The following CALN1 variants were observed in gnomAD, a reference collection of about 807,000 sequenced individuals.
CALN1 encodes calneuron 1.
In CALN1, 17 loss-of-function variants were observed where a neutral mutation model predicts 30.6. The observed-to-expected ratio is 0.56, with a 90% CI of 0.38 to 0.83. The LOEUF is 0.83. CALN1 is among the 40% of genes least tolerant of loss of function. The pLI is 0.00. For synonymous variants in CALN1, 156 were observed against 131.4 expected, an observed-to-expected ratio of 1.19 and a Z score of -1.28; for missense variants, 291 against 354.9, an observed-to-expected ratio of 0.82 and a Z score of 1.45.
chr7:71,886,404 C>T lies in CALN1; in HGVS notation c.502-75912G>A, dbSNP rs17137585. ...CCACGCCCCCTTAGCATGTCACTCACGTCTTTCTGTTGAAAGGAATCAGGA... is the reference window on the plus strand; with the variant it reads ...CCACGCCCCCTTAGCATGTCACTCATGTCTTTCTGTTGAAAGGAATCAGGA... On this transcript the variant is annotated intron_variant, in intron 5 of 6. Transcript: ENST00000395275. Among the ~76,000 whole-genome samples the T allele has an allele frequency of 9.1e-3, 1,385 of 152,312 alleles. 27 individuals carry two copies. Among genetic ancestry groups the T allele is most frequent in the African/African-American group, 0.031 (1,304 of 41,574 alleles).
intron 3 of CALN1, among the ~76,000 whole-genome samples, chr7:72,271,028 G>T (rs1796937371): frequency 6.6e-6 from 1 of 152,192 alleles, no homozygotes; most frequent in Non-Finnish European, 1.5e-5. Flanking sequence ...ACTAAAGATT[G>T]TATGTAAGGA....
At chr7:72,337,211 G>A in intron 2 of CALN1, 2 of 985,184 alleles carry the variant, frequency 2.0e-6, no homozygotes, top group Non-Finnish European at 2.4e-6. Flanking sequence ...GATCCCCCAG[G>A]GCCTTGCCGC....
At chr7:72,142,043 G>A (rs146445389) in intron 3 of CALN1, among the ~76,000 whole-genome samples, 4 of 152,192 alleles carry the variant, frequency 2.6e-5, no homozygotes, top group Admixed American at 2.0e-4. Context: ...CTCCCAGCGT[G>A]AGCGACGCAG....
At chr7:71,828,321 A>T (rs1206394448) in intron 5 of CALN1, among the ~76,000 whole-genome samples, 2 of 152,148 alleles carry the variant, frequency 1.3e-5, no homozygotes, top group Non-Finnish European at 2.9e-5. Flanking sequence ...TGATAAGCCA[A>T]TTGGTGGCCC....
chr7:72,375,568 G>GAAAA (rs34885674), intron 2 of CALN1, among the ~76,000 whole-genome samples: 1 of 136,486 alleles, frequency 7.3e-6, no homozygotes, highest in African/African-American at 2.7e-5. Context: ...CTGCCTCCAG[G>GAAAA]AAAAAAAAAA....
intron 3 of CALN1, among the ~76,000 whole-genome samples, chr7:72,118,846 T>C (rs1172317520): frequency 1.3e-5 from 2 of 152,182 alleles, no homozygotes; most frequent in Non-Finnish European, 2.9e-5. Flanking sequence ...TCTGGAATGG[T>C]TCTAGACTCC....
chr7:72,338,273 G>A (rs566216369), intron 2 of CALN1, among the ~76,000 whole-genome samples: 15 of 152,170 alleles, frequency 9.9e-5, no homozygotes, highest in African/African-American at 3.4e-4. Flanking sequence ...CCTCTTGGTG[G>A]CAAAGACTGC....
upstream of CALN1, among the ~76,000 whole-genome samples, chr7:72,416,044 C>G (rs1562961047): frequency 6.6e-6 from 1 of 152,180 alleles, no homozygotes; most frequent in Non-Finnish European, 1.5e-5. Context: ...TTCGCCCTAC[C>G]CTTGACATTT....
At chr7:72,483,586 T>TC in the CALN1 span, among the ~76,000 whole-genome samples, 1 of 152,238 alleles carries the variant, frequency 6.6e-6, no homozygotes, top group South Asian at 2.1e-4. Context: ...CACCAAGCCC[T>TC]CCCCTGATGT....
At chr7:72,407,993 C>T (rs1347931625) in intron 1 of CALN1, among the ~76,000 whole-genome samples, 2 of 152,120 alleles carry the variant, frequency 1.3e-5, no homozygotes, top group East Asian at 3.9e-4. Context: ...TGATTCTCCC[C>T]TTCTGTGGCA....
At chr7:72,404,317 G>A (rs764596061) in intron 1 of CALN1, among the ~76,000 whole-genome samples, 1 of 152,224 alleles carries the variant, frequency 6.6e-6, no homozygotes, top group Non-Finnish European at 1.5e-5. Flanking sequence ...TTAGGCCCAG[G>A]CAGGGACAAC....
chr7:72,445,979 A>G (rs1808513407), intron 1 of CALN1, among the ~76,000 whole-genome samples: 1 of 152,166 alleles, frequency 6.6e-6, no homozygotes, highest in Non-Finnish European at 1.5e-5. Flanking sequence ...AAAATTCAGT[A>G]AAAGCACTTC....
the CALN1 span, among the ~76,000 whole-genome samples, chr7:72,473,668 C>T: frequency 6.6e-6 from 1 of 152,088 alleles, no homozygotes. Context: ...CACGGTGGCT[C>T]ATGCCTGTAA....
At chr7:72,372,195 G>C (rs1804288533) in intron 2 of CALN1, among the ~76,000 whole-genome samples, 2 of 152,068 alleles carry the variant, frequency 1.3e-5, no homozygotes, top group Admixed American at 6.6e-5. Context: ...TTGCACCTCA[G>C]CCCCCAAATA....
chr7:72,465,157 C>A, the CALN1 span, among the ~76,000 whole-genome samples: 2 of 152,138 alleles, frequency 1.3e-5, no homozygotes, highest in African/African-American at 2.4e-5. Context: ...ATTCAGAGGT[C>A]AGGGTACAGG....
intron 5 of CALN1, among the ~76,000 whole-genome samples, chr7:71,928,216 T>C (rs1361940365): frequency 1.3e-5 from 2 of 152,216 alleles, no homozygotes; most frequent in Non-Finnish European, 2.9e-5. Context: ...GGCGCAAGCC[T>C]ATATTCTCAT....
At chr7:72,283,263 A>T (rs768629376) in intron 2 of CALN1, among the ~76,000 whole-genome samples, 2 of 152,062 alleles carry the variant, frequency 1.3e-5, no homozygotes, top group Non-Finnish European at 1.5e-5. Flanking sequence ...GGTGGCTCAC[A>T]TCTATAATCC....
intron 5 of CALN1, among the ~76,000 whole-genome samples, chr7:71,982,721 G>GT (rs924641918): frequency 6.6e-6 from 1 of 152,200 alleles, no homozygotes; most frequent in African/African-American, 2.4e-5. Flanking sequence ...GATAGTGAGG[G>GT]TAAGGAAGTC....
chr7:71,959,414 G>A (rs1293441253), intron 5 of CALN1, among the ~76,000 whole-genome samples: 1 of 152,180 alleles, frequency 6.6e-6, no homozygotes. Context: ...CCTAAGATGG[G>A]TGAGAGGCAA....
Sources: allele counts gnomAD v4.1 joint callset (sites outside exome capture counted in the v4.1 genomes callset), GRCh38; gene constraint gnomAD v4.1.1; transcripts MANE v1.5; gene names NCBI Gene and HGNC (gene_info 2026-07-23, HGNC 2026-07-21).